Variants in ALDH1A2 observed in about 807,000 individuals in gnomAD.
ALDH1A2 encodes aldehyde dehydrogenase 1 family member A2.
In ALDH1A2, 27 loss-of-function variants were observed where a neutral mutation model predicts 60.3. The observed-to-expected ratio is 0.45, with a 90% CI of 0.33 to 0.62. The LOEUF (loss-of-function observed/expected upper bound fraction) is 0.62. Ranked by LOEUF, ALDH1A2 falls within the 20% of genes least tolerant of loss-of-function variation. The pLI, the probability that ALDH1A2 is intolerant of heterozygous loss-of-function variation, is 0.02. For synonymous variants in ALDH1A2, 289 were observed against 232.4 expected (o/e 1.24, Z -2.21); for missense variants, 581 against 643.8 (o/e 0.90, Z 1.06).
chr15:58,013,906 C>T lies in ALDH1A2; in HGVS notation c.315G>A (p.Leu105=). ...CCACCAAGTCTGCAAGCTTATCCAA[C>T]AGACGTCCCCTTTCTGAAGCATCCA... The part of the protein sequence containing the change: ...RRMDASERGR[L]LDKLADLVER... The change falls in exon 3 of 13, where the codon CTG becomes CTA. Residue 105 remains leucine (L), a synonymous_variant. Coordinates refer to ENST00000249750, the MANE Select transcript of ALDH1A2 (RefSeq NM_003888.4). 6.2e-7 allele frequency: 1 copy of T among 1,614,198 alleles called. No individual in the cohort carries two copies. The highest frequency in any genetic ancestry group is 1.3e-5 in the African/African-American group (1 of 75,054).
At chr15:57,963,159 T>C (rs1893783344) in intron 9 of ALDH1A2, among the ~76,000 whole-genome samples, 1 of 152,106 alleles carries the variant, frequency 6.6e-6, no homozygotes, top group East Asian at 1.9e-4. Flanking sequence ...TGGCAGCTCG[T>C]AAAAGGATAG....
chr15:58,065,142 G>A (rs1897143036), intron 1 of ALDH1A2: 3 of 290,832 alleles, frequency 1.0e-5, no homozygotes, highest in Non-Finnish European at 1.3e-5. Flanking sequence ...GGACCGAGAG[G>A]CGACGGCCAG....
intron 7 of ALDH1A2, among the ~76,000 whole-genome samples, chr15:57,966,164 A>G (rs1286327654): frequency 6.6e-6 from 1 of 152,210 alleles, no homozygotes; most frequent in African/African-American, 2.4e-5. Flanking sequence ...TGTGGCCTTT[A>G]GCTTTGGACT....
chr15:58,014,303 T>C (rs376751574), intron 1 of ALDH1A2, 22 bp from the exon 2 acceptor site: 13 of 1,586,632 alleles, frequency 8.2e-6, no homozygotes, highest in Non-Finnish European at 1.0e-5. Context: ...GATAACAGAA[T>C]GGGATCTGTG....
chr15:57,984,118 G>A (rs1198120235), intron 7 of ALDH1A2, among the ~76,000 whole-genome samples: 1 of 152,168 alleles, frequency 6.6e-6, no homozygotes, highest in African/African-American at 2.4e-5. Flanking sequence ...GGGAGGCAGT[G>A]TACCACTGTA....
chr15:58,008,423 AGATG>A, intron 4 of ALDH1A2, among the ~76,000 whole-genome samples: 1 of 152,108 alleles, frequency 6.6e-6, no homozygotes, highest in Non-Finnish European at 1.5e-5. Context: ...AAAACGCATC[AGATG>A]AAAACAGTGA....
At chr15:57,995,240 ACAGAAATAAACTT>A in intron 4 of ALDH1A2, 101 bp from the exon 5 acceptor site, 1 of 826,530 alleles carries the variant, frequency 1.2e-6, no homozygotes, top group East Asian at 2.6e-5. Flanking sequence ...AAAAAAACAA[ACAGAAATAAACTT>A]GAAAAAACAT....
At chr15:57,959,206 G>A (rs1223657817) in intron 12 of ALDH1A2, among the ~76,000 whole-genome samples, 1 of 152,188 alleles carries the variant, frequency 6.6e-6, no homozygotes, top group African/African-American at 2.4e-5. Context: ...AACAATCAAT[G>A]CAAGCAGCAT....
In ALDH1A2 at chr15:57,962,163, T is replaced by C. The variant is rs1893744108; in HGVS notation, c.1100A>G (p.Gln367Arg). 3 of 1,614,056 alleles carry C rather than the reference T, an allele frequency of 1.9e-6. No homozygotes were observed. The highest frequency in any genetic ancestry group is 1.7e-5 in the Admixed American group (1 of 60,004). Reference sequence around the variant, plus strand: ...GATGAGTTCCAAGATCTTGTTGTACTGTTTCTTATCAATCTGTGGGAGACA... The same window carrying C: ...GATGAGTTCCAAGATCTTGTTGTACCGTTTCTTATCAATCTGTGGGAGACA... ...TEQGPQIDKK[Q>R]YNKILELIQS... The change falls in exon 10 of 13, where the codon CAG (glutamine) becomes CGG (arginine). Residue 367 changes from glutamine (Q) to arginine (R), a missense_variant. Physicochemically the swap from Gln to Arg is conservative, Grantham distance 43. Coordinates refer to ENST00000249750, the MANE Select transcript of ALDH1A2 (RefSeq NM_003888.4).
At position 57,985,838 on chromosome 15, in the gene ALDH1A2, A is replaced by C. The variant is rs529374283; in HGVS notation, c.798+6867T>G. On this transcript the variant is annotated intron_variant, in intron 7 of 12. Coordinates refer to ENST00000249750, the MANE Select transcript of ALDH1A2 (RefSeq NM_003888.4). Reference sequence around the variant, plus strand: ...TAAAACTTATAAAAATCAAGACTAAACTGATAAGCAAATCAGCTCAAAGAT... The same window carrying C: ...TAAAACTTATAAAAATCAAGACTAACCTGATAAGCAAATCAGCTCAAAGAT... 2.6e-5 allele frequency among the ~76,000 whole-genome samples: 4 copies of C among 152,310 alleles called. No homozygotes were observed. In the East Asian group the frequency reaches 5.8e-4, roughly 22 times the overall value.
intron 7 of ALDH1A2, among the ~76,000 whole-genome samples, chr15:57,969,558 G>T (rs1893995398): frequency 6.6e-6 from 1 of 152,156 alleles, no homozygotes; most frequent in African/African-American, 2.4e-5. Context: ...AGGTGGGAGT[G>T]CACGGCAAGA....
chr15:58,037,936 TCTC>T (rs1408973445), intron 1 of ALDH1A2, among the ~76,000 whole-genome samples: 2 of 151,692 alleles, frequency 1.3e-5, no homozygotes, highest in Non-Finnish European at 3.0e-5. Flanking sequence ...TCGTAATCTA[TCTC>T]CCTTGAGATT....
At chr15:58,043,669 G>A (rs2899612) in intron 1 of ALDH1A2, among the ~76,000 whole-genome samples, 62,613 of 151,668 alleles carry the variant, frequency 0.41, 13,111 homozygotes, top group Non-Finnish European at 0.44. Context: ...TCCTACAACA[G>A]ACATTTTTAA....
chr15:58,029,234 A>T (rs2140537567), intron 1 of ALDH1A2, among the ~76,000 whole-genome samples: 1 of 152,348 alleles, frequency 6.6e-6, no homozygotes, highest in Admixed American at 6.5e-5. Flanking sequence ...ACTCAGGGTA[A>T]GAAACTCACT....
intron 4 of ALDH1A2, among the ~76,000 whole-genome samples, chr15:57,996,877 T>C (rs1174830817): frequency 6.6e-6 from 1 of 152,070 alleles, no homozygotes; most frequent in Non-Finnish European, 1.5e-5. Context: ...TGTTTTGATT[T>C]ATGTTTAATG....
chr15:58,040,884 G>A (rs189599105), intron 1 of ALDH1A2, among the ~76,000 whole-genome samples: 136 of 151,910 alleles, frequency 9.0e-4, no homozygotes, highest in African/African-American at 2.8e-3. Flanking sequence ...AGTCATGTTT[G>A]TCCTGTTTAT....
At chr15:58,042,478 C>T (rs545173347) in intron 1 of ALDH1A2, among the ~76,000 whole-genome samples, 274 of 151,988 alleles carry the variant, frequency 1.8e-3, no homozygotes, top group Middle Eastern at 6.8e-3. Flanking sequence ...ATTGATATTA[C>T]ATAAGAAGCA....
intron 1 of ALDH1A2, among the ~76,000 whole-genome samples, chr15:58,020,757 T>A (rs754661036): frequency 9.2e-5 from 14 of 152,242 alleles, no homozygotes; most frequent in Non-Finnish European, 1.9e-4. Context: ...TTTCTGTGTT[T>A]ATTGTATCAA....
At chr15:57,990,875 C>A (rs201906498) in intron 7 of ALDH1A2, among the ~76,000 whole-genome samples, 138 of 111,796 alleles carry the variant, frequency 1.2e-3, no homozygotes, top group East Asian at 2.0e-3. Flanking sequence ...AACTCCATCT[C>A]AAAAAAAAAA....
Sources: allele counts gnomAD v4.1 joint callset (sites outside exome capture counted in the v4.1 genomes callset), GRCh38; gene constraint gnomAD v4.1.1; transcripts MANE v1.5; gene names NCBI Gene and HGNC (gene_info 2026-07-23, HGNC 2026-07-21).